DSCAM: variants seen among roughly 807,000 people sequenced by gnomAD.
DSCAM encodes DS cell adhesion molecule, also known as cell adhesion molecule DSCAM.
DSCAM carries 47 observed loss-of-function variants against 217.7 expected under a neutral mutation model. The ratio of observed to expected loss-of-function variants is 0.22; its 90% CI spans 0.17 to 0.28. The LOEUF is 0.28. DSCAM is among the 10% of genes least tolerant of loss of function. The pLI, the probability that DSCAM is intolerant of heterozygous loss-of-function variation, is 1.00. For missense variants in DSCAM, 2,080 were observed against 2,618.3 expected, an observed-to-expected ratio of 0.79 and a Z score of 4.49; for synonymous variants, 1,056 against 1,015.3, an observed-to-expected ratio of 1.04 and a Z score of -0.76.
intron 3 of DSCAM, among the ~76,000 whole-genome samples, chr21:40,501,434 CTT>C (rs891341236): frequency 3.5e-4 from 53 of 152,150 alleles, no homozygotes; most frequent in African/African-American, 1.2e-3. Context: ...CAATCTGTGT[CTT>C]GAGTCCTCCA....
chr21:40,600,879 T>G (rs1419391145), intron 3 of DSCAM, among the ~76,000 whole-genome samples: 2 of 152,184 alleles, frequency 1.3e-5, no homozygotes, highest in Admixed American at 6.5e-5. Context: ...TTCTGAGCCC[T>G]CATTCTGTTC....
At chr21:40,309,204 C>G (rs1198020125) in intron 9 of DSCAM, among the ~76,000 whole-genome samples, 3 of 152,132 alleles carry the variant, frequency 2.0e-5, no homozygotes, top group Non-Finnish European at 4.4e-5. Context: ...GTTGTGTTTT[C>G]TGAGTTCCTG....
At chr21:40,624,966 ATATT>A (rs1428098459) in intron 3 of DSCAM, among the ~76,000 whole-genome samples, 1 of 152,238 alleles carries the variant, frequency 6.6e-6, no homozygotes, top group African/African-American at 2.4e-5. Context: ...ATCTAAGAGT[ATATT>A]TATTATGTTA....
intron 4 of DSCAM, among the ~76,000 whole-genome samples, chr21:40,363,041 C>T (rs1353105729): frequency 6.6e-6 from 1 of 152,038 alleles, no homozygotes; most frequent in African/African-American, 2.4e-5. Flanking sequence ...TCAGACTCAC[C>T]TCAGACATTT....
intron 15 of DSCAM, among the ~76,000 whole-genome samples, chr21:40,168,254 A>C (rs1310555195): frequency 6.6e-6 from 1 of 152,194 alleles, no homozygotes; most frequent in African/African-American, 2.4e-5. Context: ...AGACAATCTC[A>C]ATTACAGGGA....
intron 11 of DSCAM, among the ~76,000 whole-genome samples, chr21:40,226,298 T>C (rs1187196114): frequency 1.3e-5 from 2 of 152,184 alleles, no homozygotes; most frequent in East Asian, 3.9e-4. Flanking sequence ...GAACACATAG[T>C]TTTATTTATT....
chr21:40,041,289 A>G (rs2088744167), intron 32 of DSCAM, among the ~76,000 whole-genome samples: 1 of 152,216 alleles, frequency 6.6e-6, no homozygotes, highest in Non-Finnish European at 1.5e-5. Context: ...GAAAGTCTAC[A>G]GGCAACTATT....
intron 1 of DSCAM, among the ~76,000 whole-genome samples, chr21:40,751,538 C>T (rs1216738402): frequency 6.6e-6 from 1 of 152,152 alleles, no homozygotes; most frequent in Non-Finnish European, 1.5e-5. Context: ...CAAAGCTAGT[C>T]CCAGAAGAAC....
intron 1 of DSCAM, among the ~76,000 whole-genome samples, chr21:40,744,419 C>A (rs1014780217): frequency 1.3e-5 from 2 of 152,184 alleles, no homozygotes; most frequent in Admixed American, 6.5e-5. Flanking sequence ...AGCTCAGGTG[C>A]TCATGTGGAG....
At chr21:40,448,259 C>T (rs917159733) in intron 3 of DSCAM, among the ~76,000 whole-genome samples, 1 of 152,206 alleles carries the variant, frequency 6.6e-6, no homozygotes, top group Non-Finnish European at 1.5e-5. Context: ...GCAACGTAGG[C>T]ACACACCATC....
rs1380956340 is a variant in DSCAM at position 40,461,653 on chromosome 21, G to C, written c.509-92408C>G. Among the ~76,000 whole-genome samples, 14 of 152,274 alleles carry C rather than the reference G, an allele frequency of 9.2e-5. 1 individual carries two copies. Among genetic ancestry groups the C allele is most frequent in the Admixed American group, 9.2e-4 (14 of 15,298 alleles). Reference sequence around the variant, plus strand: ...AATGTGTAAGGTTTCATGGCAAAGGGGAGTTAAGGTTGCTCCTCAGCTGAC... The same window carrying C: ...AATGTGTAAGGTTTCATGGCAAAGGCGAGTTAAGGTTGCTCCTCAGCTGAC... On this transcript the variant is annotated intron_variant, in intron 3 of 32. Transcript: ENST00000400454.
At chr21:40,712,505 C>T (rs1017194197) in intron 1 of DSCAM, among the ~76,000 whole-genome samples, 1 of 125,776 alleles carries the variant, frequency 8.0e-6, no homozygotes, top group African/African-American at 3.0e-5. Flanking sequence ...AAGAATCTAA[C>T]ATTTATCTAT....
At chr21:40,446,647 A>G (rs142977439) in intron 3 of DSCAM, among the ~76,000 whole-genome samples, 1 of 152,218 alleles carries the variant, frequency 6.6e-6, no homozygotes, top group Admixed American at 6.5e-5. Context: ...GGCTCTGGCC[A>G]AGTCTCAAAG....
intron 8 of DSCAM, among the ~76,000 whole-genome samples, chr21:40,336,255 T>G (rs2123579709): frequency 6.6e-6 from 1 of 152,300 alleles, no homozygotes; most frequent in South Asian, 2.1e-4. Context: ...AAAACGATGG[T>G]TATGCGGTCT....
chr21:40,352,725 C>T (rs989628479), intron 5 of DSCAM, among the ~76,000 whole-genome samples: 5 of 152,182 alleles, frequency 3.3e-5, no homozygotes, highest in African/African-American at 4.8e-5. Context: ...GACCAATGCT[C>T]TGCCTCCCTT....
At chr21:40,815,466 T>A (rs2091872957) in intron 1 of DSCAM, among the ~76,000 whole-genome samples, 1 of 152,090 alleles carries the variant, frequency 6.6e-6, no homozygotes, top group Admixed American at 6.5e-5. Flanking sequence ...GCACCAACCC[T>A]CTGCTGGACA....
At chr21:40,343,124 T>C (rs1348045482) in intron 6 of DSCAM, among the ~76,000 whole-genome samples, 4 of 152,196 alleles carry the variant, frequency 2.6e-5, no homozygotes, top group East Asian at 1.9e-4. Context: ...TCTGAGTATA[T>C]AGAAATAAAA....
Position 40,257,379 on chromosome 21 carries a change from GT to G in DSCAM, c.2356+18717del, listed in dbSNP as rs527576462. On this transcript the variant is annotated intron_variant, in intron 11 of 32. Coordinates refer to ENST00000400454, the MANE Select transcript of DSCAM (RefSeq NM_001389.5). ...TTTATGTTTATTGTTGTATTTTTTT[GT>G]TTTTTTTTCCCTGAATATTTTTTAT... Among the ~76,000 whole-genome samples the G allele has an allele frequency of 7.0e-3, 1,029 of 148,020 alleles. 4 individuals carry two copies. The highest frequency in any genetic ancestry group is 0.013 in the Admixed American group (191 of 14,908).
intron 20 of DSCAM, among the ~76,000 whole-genome samples, chr21:40,120,716 A>G (rs1436841389): frequency 1.3e-5 from 2 of 152,186 alleles, no homozygotes; most frequent in African/African-American, 2.4e-5. Context: ...GGGAAAGTTC[A>G]TGTTCAGTCC....
Sources: allele counts gnomAD v4.1 joint callset (sites outside exome capture counted in the v4.1 genomes callset), GRCh38; gene constraint gnomAD v4.1.1; transcripts MANE v1.5; gene names NCBI Gene and HGNC (gene_info 2026-07-23, HGNC 2026-07-21).